The following WDR90 variants were observed in gnomAD, a reference collection of about 807,000 sequenced individuals.
WDR90 encodes WD repeat domain 90.
In WDR90, 238 loss-of-function variants were observed where a neutral mutation model predicts 195.2. The observed-to-expected ratio is 1.22, with a 90% CI of 1.10 to 1.36. WDR90 has a LOEUF of 1.36. WDR90 is among the 40% of genes most tolerant of loss of function. The pLI is 0.00. For synonymous variants in WDR90, 1,265 were observed against 1,052.4 expected (o/e 1.20, Z -3.91); for missense variants, 2,734 against 2,439.5 (o/e 1.12, Z -2.54).
intron 10 of WDR90, among the ~76,000 whole-genome samples, chr16:652,858 G>A (rs1223431349): frequency 9.2e-5 from 14 of 152,196 alleles, no homozygotes; most frequent in Admixed American, 9.2e-4. Flanking sequence ...CAGACCAGCA[G>A]TGTGGGGCCA....
Position 651,681 on chromosome 16 carries a change from G to A in WDR90, c.774G>A (p.Pro258=), listed in dbSNP as rs761273063. ...LGPGPQPLPC[P]VASSKPVRFS... ...CGGGGCCACAGCCTCTCCCTTGCCC[G>A]GTGGCCTCCAGCAAACCTGTGCGGT... is the stretch of plus-strand genomic sequence containing the variant. The change falls in exon 8 of 41, where the codon CCG becomes CCA. Residue 258 remains proline (P), a synonymous_variant. Coordinates refer to ENST00000293879, the MANE Select transcript of WDR90 (RefSeq NM_145294.5). 19 of 1,612,820 alleles carry A rather than the reference G, an allele frequency of 1.2e-5. No individual in the cohort carries two copies. The highest frequency in any genetic ancestry group is 4.0e-5 in the African/African-American group (3 of 74,906).
At chr16:665,577 T>A in intron 34 of WDR90, 102 bp from the exon 35 acceptor site, 1 of 1,586,312 alleles carries the variant, frequency 6.3e-7, no homozygotes, top group Non-Finnish European at 8.6e-7. Context: ...GCACATGCTC[T>A]GGTTTGGACA....
chr16:666,395 T>C (rs1235181070), intron 37 of WDR90, 45 bp downstream of exon 37: 6 of 1,610,360 alleles, frequency 3.7e-6, no homozygotes, highest in African/African-American at 1.3e-5. Flanking sequence ...TGGGTGCTGG[T>C]GGGGGCAGGC....
chr16:663,696 A>G (rs12933769), intron 34 of WDR90: 1 of 39,402 alleles, frequency 2.5e-5, no homozygotes, highest in Non-Finnish European at 3.5e-5. Flanking sequence ...CACAGCACTC[A>G]TCTCTCTGGG....
chr16:660,694 TG>T lies in WDR90; in HGVS notation c.3373del (p.Val1125SerfsTer179), dbSNP rs1315818894. 8 of 1,574,352 alleles carry T rather than the reference TG, an allele frequency of 5.1e-6. No homozygotes were observed. In the East Asian group the frequency reaches 1.9e-4, roughly 37 times the overall value. The stretch of plus-strand genomic sequence containing the variant: ...TACAGCGGGAATGGGCGGGCCAACA[TG>T]GTCTGGAGGCCGGACACAGGTGGGG... ...VGYSGNGRAN[M>X]VWRPDTGFFA... On this transcript the variant is annotated frameshift_variant, in exon 28 of 41. Coordinates refer to ENST00000293879, the MANE Select transcript of WDR90 (RefSeq NM_145294.5). LOFTEE classifies it high-confidence loss of function.
chr16:658,529 C>T lies in WDR90; in HGVS notation c.2771C>T (p.Pro924Leu). The T allele has an allele frequency of 6.2e-7, 1 of 1,609,568 alleles. No homozygotes were observed. Among genetic ancestry groups the T allele is most frequent in the East Asian group, 2.2e-5 (1 of 44,790 alleles). ...CCCAAGAGCACTGTGTTCCAGCTGC[C>T]CGGTGTCCACCCTGAGCCCTGCCCC... Reference protein sequence around the residue: ...AVSGRIIRELPGVHPEPCPSL... With the variant: ...AVSGRIIRELLGVHPEPCPSL... The change falls in exon 23 of 41, where the codon CCC (proline) becomes CTC (leucine). Residue 924 changes from proline (P) to leucine (L), a missense_variant. By Grantham distance (98) the Pro-to-Leu change is moderately conservative. Coordinates refer to ENST00000293879, the MANE Select transcript of WDR90 (RefSeq NM_145294.5).
chr16:660,951 C>CCTCAGGCCTCGCCCCCTGT, intron 28 of WDR90, 100 bp from the exon 29 acceptor site: 1 of 394,696 alleles, frequency 2.5e-6, no homozygotes, highest in Non-Finnish European at 3.0e-6. Flanking sequence ...CGCCCCACGG[C>CCTCAGGCCTCGCCCCCTGT]TCGGCCCAGG....
At chr16:649,641 C>T in intron 1 of WDR90, 122 bp from the exon 2 acceptor site, 2 of 1,177,194 alleles carry the variant, frequency 1.7e-6, no homozygotes, top group Non-Finnish European at 1.1e-6. Context: ...CTGGCGTTGG[C>T]GTCGCCGGGG....
rs1317082928 is a variant in WDR90, at chr16:660,053, G to C, written c.3185-5G>C. 5 of 1,539,638 alleles carry C rather than the reference G, an allele frequency of 3.2e-6. No individual in the cohort carries two copies. The highest frequency in any genetic ancestry group is 4.4e-6 in the Non-Finnish European group (5 of 1,145,370). ...ATGCCACAAGCTCTGCCTCCTCCCT[G>C]CCAGGCGCCAGGGACACCAGGAATT... On this transcript the variant is annotated splice_polypyrimidine_tract_variant and splice_region_variant and intron_variant, in intron 26 of 40. Transcript: ENST00000293879.
intron 28 of WDR90, 48 bp downstream of exon 28, chr16:660,762 C>T (rs1411487490): frequency 7.3e-6 from 11 of 1,517,230 alleles, no homozygotes; most frequent in South Asian, 1.2e-5. Flanking sequence ...TGCGGCCGCG[C>T]GTGGTCCAGC....
rs1420086215 is a variant in WDR90, at chr16:649,954, T to G, written c.103-37T>G. The G allele has an allele frequency of 5.6e-6, 9 of 1,609,830 alleles. No individual in the cohort carries two copies. In the Admixed American group the frequency reaches 1.2e-4, roughly 21 times the overall value. Reference sequence around the variant, plus strand: ...CCCCTCGCCCCCGCTGCACTTCTTCTGGGTGCTGTCGGTGATGCGGGCTCC... The same window carrying G: ...CCCCTCGCCCCCGCTGCACTTCTTCGGGGTGCTGTCGGTGATGCGGGCTCC... On this transcript the variant is annotated intron_variant, in intron 2 of 40. Coordinates refer to ENST00000293879, the MANE Select transcript of WDR90 (RefSeq NM_145294.5).
rs1308828032 is a variant in WDR90 at position 649,797 on chromosome 16, C to T, written c.45C>T (p.His15=). 5.7e-6 allele frequency: 9 copies of T among 1,576,598 alleles called. No individual in the cohort carries two copies. The East Asian group carries it at 1.9e-4, about 33-fold the overall frequency. Residue 15 remains histidine (H), a synonymous_variant, in exon 2 of 41, where the codon CAC becomes CAT. Transcript: ENST00000293879. ...WQHPFLNVFR[H]FRVDEWKRSA... ...ACCCGTTCCTCAACGTCTTCAGACA[C>T]TTCCGGGTGGACGAGTGGAAGCGCT...
rs764455958 is a variant in WDR90 at position 656,771 on chromosome 16, G to C, written c.2242G>C (p.Val748Leu). ...ATCATCAGAGGACGCCCCGTGCGCTGTCACCTTCCACCCCACAAGGCCAAC... is the reference window on the plus strand; with the variant it reads ...ATCATCAGAGGACGCCCCGTGCGCTCTCACCTTCCACCCCACAAGGCCAAC... ...FTSSEDAPCA[V>L]TFHPTRPTFF... Residue 748 changes from valine (V) to leucine (L), a missense_variant, in exon 19 of 41, where the codon GTC becomes CTC. Coordinates refer to ENST00000293879, the MANE Select transcript of WDR90 (RefSeq NM_145294.5). 1 of 1,613,148 alleles carries C rather than the reference G, an allele frequency of 6.2e-7. No individual in the cohort carries two copies. Among genetic ancestry groups the C allele is most frequent in the African/African-American group, 1.3e-5 (1 of 74,940 alleles).
At chr16:653,962 G>A (rs1251461822) in intron 13 of WDR90, 159 bp downstream of exon 13, 10 of 872,290 alleles carry the variant, frequency 1.1e-5, no homozygotes, top group South Asian at 3.7e-5. Flanking sequence ...TGTTCATGCC[G>A]CCCCCGTGCC....
At chr16:659,184 G>A (rs2037835921) in intron 25 of WDR90, 58 bp downstream of exon 25, 5 of 1,610,298 alleles carry the variant, frequency 3.1e-6, no homozygotes, top group Non-Finnish European at 4.2e-6. Flanking sequence ...GGCCCGTCCT[G>A]TGTCTGCCTA....
chr16:656,124 C>T, intron 17 of WDR90, 178 bp from the exon 18 acceptor site: 2 of 768,690 alleles, frequency 2.6e-6, no homozygotes, highest in East Asian at 2.7e-5. Context: ...GCCCCTCAGC[C>T]TGGGTCCCGC....
intron 22 of WDR90, 40 bp from the exon 23 acceptor site, chr16:658,485 C>T (rs2037810512): frequency 6.3e-7 from 1 of 1,591,378 alleles, no homozygotes; most frequent in South Asian, 1.1e-5. Flanking sequence ...GCTGGCCACT[C>T]TCCTGAGACA....
Position 649,840 on chromosome 16 carries a change from G to T in WDR90, c.88G>T (p.Val30Leu). The T allele has an allele frequency of 6.3e-7, 1 of 1,582,076 alleles. No homozygotes were observed. The highest frequency in any genetic ancestry group is 1.3e-5 in the African/African-American group (1 of 74,520). ...GAAGCGCTCCGCCAAGCAGGGGGAC[G>T]TGGCCGTGGTCACGGTAGGCGGCCG... ...EWKRSAKQGD[V>L]AVVTDKTLKG... is the part of the protein sequence containing the mutation. The change falls in exon 2 of 41, where the codon GTG (valine) becomes TTG (leucine). Residue 30 changes from valine to leucine, a missense_variant. By Grantham distance (32) the Val-to-Leu change is conservative. Coordinates refer to ENST00000293879, the MANE Select transcript of WDR90 (RefSeq NM_145294.5).
Position 657,775 on chromosome 16 carries a change from C to G in WDR90, c.2487C>G (p.Cys829Trp), listed in dbSNP as rs1260236319. 2.6e-6 allele frequency: 4 copies of G among 1,549,066 alleles called. No homozygotes were observed. The highest frequency in any genetic ancestry group is 3.5e-6 in the Non-Finnish European group (4 of 1,146,680). Reference protein sequence around the residue: ...HVLRVAADMVCPDAPASPSAL... With the variant: ...HVLRVAADMVWPDAPASPSAL... The stretch of plus-strand genomic sequence containing the variant: ...GTGTGGCCACAGCGGACATGGTATG[C>G]CCGGATGCCCCCGCGAGCCCCAGCG... The change falls in exon 21 of 41, where the codon TGC becomes TGG. Residue 829 changes from cysteine to tryptophan, a missense_variant. Transcript: ENST00000293879.
Sources: gnomAD v4.1 joint callset for allele counts (sites outside exome capture counted in the v4.1 genomes callset) on GRCh38, gnomAD v4.1.1 for gene constraint, MANE v1.5 for transcripts, NCBI Gene and HGNC (gene_info 2026-07-23, HGNC 2026-07-21) for gene names.